OTUD7A: variants seen among roughly 807,000 people sequenced by gnomAD.
OTUD7A encodes OTU domain-containing protein 7A.
Under a neutral mutation model 65.7 loss-of-function variants are expected in OTUD7A, and 12 were observed. The observed-to-expected ratio is 0.18, with a 90% CI of 0.12 to 0.30. OTUD7A has a LOEUF of 0.30. Among genes scored for constraint, OTUD7A ranks in the 10% least tolerant of loss-of-function variants. The pLI, the probability that OTUD7A is intolerant of heterozygous loss-of-function variation, is 1.00. For synonymous variants in OTUD7A, 641 were observed against 586.3 expected (o/e 1.09, Z -1.35); for missense variants, 1,148 against 1,304.8 (o/e 0.88, Z 1.85).
intron 1 of OTUD7A, among the ~76,000 whole-genome samples, chr15:31,704,035 T>C (rs62002672): frequency 0.14 from 18,550 of 129,150 alleles, 1,156 homozygotes; most frequent in South Asian, 0.36. Context: ...GACAGATTAA[T>C]GGTTGCCAGA....
In OTUD7A at chr15:31,782,089, T is replaced by C. The variant is rs118010769; in HGVS notation, c.-100+88418A>G. 1.1e-3 allele frequency among the ~76,000 whole-genome samples: 173 copies of C among 152,336 alleles called. 5 individuals carry two copies. In the East Asian group the frequency reaches 0.033, roughly 29 times the overall value. On this transcript the variant is annotated intron_variant, in intron 1 of 12. Transcript: ENST00000307050. ...TTCTAACAGACTGGTAGGTGCTCTG[T>C]AGGGGTGTCCTCAGACGTGACGCAC...
chr15:31,585,546 C>T (rs1197541064), intron 3 of OTUD7A, among the ~76,000 whole-genome samples: 1 of 152,210 alleles, frequency 6.6e-6, no homozygotes, highest in Non-Finnish European at 1.5e-5. Context: ...TGCGTCCCCA[C>T]CCGGCATCCC....
chr15:31,490,378 G>T (rs1187645339), intron 10 of OTUD7A, among the ~76,000 whole-genome samples: 2 of 152,260 alleles, frequency 1.3e-5, no homozygotes, highest in African/African-American at 2.4e-5. Context: ...TATATTCTGA[G>T]TACTTATTTT....
At chr15:31,853,445 C>G (rs1018800279) in intron 1 of OTUD7A, among the ~76,000 whole-genome samples, 2 of 152,252 alleles carry the variant, frequency 1.3e-5, no homozygotes, top group African/African-American at 4.8e-5. Context: ...AAGCCACAAA[C>G]TACTGAGTGT....
chr15:31,660,982 C>T (rs1462431182), intron 1 of OTUD7A, among the ~76,000 whole-genome samples: 3 of 152,180 alleles, frequency 2.0e-5, no homozygotes, highest in Non-Finnish European at 4.4e-5. Flanking sequence ...CAGCAGGTGC[C>T]GCGGGCTGGA....
At chr15:31,848,395 T>G (rs1897337190) in intron 1 of OTUD7A, among the ~76,000 whole-genome samples, 1 of 152,134 alleles carries the variant, frequency 6.6e-6, no homozygotes. Flanking sequence ...CCCTGAACTT[T>G]AAGTAATGGT....
rs57517466 is a variant in OTUD7A at position 31,570,442 on chromosome 15, TACACACACACACACAC to T, written c.152-261_152-246del. 8.5e-3 allele frequency among the ~76,000 whole-genome samples: 1,217 copies of T among 143,316 alleles called. 11 individuals are homozygous for T. Among genetic ancestry groups the T allele is most frequent in the East Asian group, 0.025 (127 of 4,984 alleles). 94.0% of individuals were successfully genotyped at this position (143,316 alleles called of 152,430 possible). ...TACAGTCTCAGAGCCTTTAGGTTCATACACACACACACACACACACACACACACACACACACACACA... is the reference window on the plus strand; with the variant it reads ...TACAGTCTCAGAGCCTTTAGGTTCATACACACACACACACACACACACACA... On this transcript the variant is annotated intron_variant, in intron 3 of 12. Transcript: ENST00000307050.
chr15:31,687,113 A>G (rs1892855728), intron 1 of OTUD7A, among the ~76,000 whole-genome samples: 1 of 151,848 alleles, frequency 6.6e-6, no homozygotes, highest in Non-Finnish European at 1.5e-5. Context: ...AATAGAAAAA[A>G]AAAAAAACCA....
chr15:31,702,797 A>C (rs2141329517), intron 1 of OTUD7A, among the ~76,000 whole-genome samples: 1 of 151,288 alleles, frequency 6.6e-6, no homozygotes, highest in South Asian at 2.1e-4. Flanking sequence ...TAGTTAAAAT[A>C]ATTTTGAAAA....
intron 3 of OTUD7A, among the ~76,000 whole-genome samples, chr15:31,610,618 T>TATATA (rs1555401191): frequency 2.5e-4 from 3 of 11,832 alleles, no homozygotes; most frequent in Non-Finnish European, 4.5e-4. Context: ...TATATATATA[T>TATATA]TTTTTTTTTT....
intron 5 of OTUD7A, among the ~76,000 whole-genome samples, chr15:31,536,929 G>A (rs988802948): frequency 1.3e-5 from 2 of 152,118 alleles, no homozygotes; most frequent in Non-Finnish European, 1.5e-5. Flanking sequence ...TAGCAGAATA[G>A]GGTGATTCTA....
At chr15:31,664,618 T>A (rs1480202359) in intron 1 of OTUD7A, among the ~76,000 whole-genome samples, 1 of 152,238 alleles carries the variant, frequency 6.6e-6, no homozygotes, top group Non-Finnish European at 1.5e-5. Context: ...ATCTGTTTAC[T>A]CTGCTGGCTG....
chr15:31,767,708 A>G (rs1450990796), intron 1 of OTUD7A: 14 of 720,892 alleles, frequency 1.9e-5, no homozygotes, highest in Non-Finnish European at 3.3e-5. Flanking sequence ...ATCTTCATTT[A>G]TTATTTCATG....
intron 1 of OTUD7A, among the ~76,000 whole-genome samples, chr15:31,717,152 C>T (rs1333653407): frequency 6.6e-6 from 1 of 152,152 alleles, no homozygotes; most frequent in Non-Finnish European, 1.5e-5. Context: ...TGTTTTCTGT[C>T]CAGGATCCCA....
chr15:31,687,963 C>T (rs1198065173), intron 1 of OTUD7A, among the ~76,000 whole-genome samples: 1 of 152,162 alleles, frequency 6.6e-6, no homozygotes, highest in African/African-American at 2.4e-5. Context: ...CACCTGTAAT[C>T]GCAGCACTTT....
At chr15:31,501,914 T>G in intron 9 of OTUD7A, 75 bp from the exon 10 acceptor site, 3 of 1,483,618 alleles carry the variant, frequency 2.0e-6, no homozygotes, top group Non-Finnish European at 2.7e-6. Context: ...TGCATCCCTG[T>G]CCCTCACTAC....
At chr15:31,647,298 AC>A (rs1891705189) in intron 3 of OTUD7A, among the ~76,000 whole-genome samples, 1 of 152,202 alleles carries the variant, frequency 6.6e-6, no homozygotes, top group African/African-American at 2.4e-5. Context: ...CTCTAATCGC[AC>A]ACACTTGAAA....
At chr15:31,620,228 C>CT (rs1487564038) in intron 3 of OTUD7A, among the ~76,000 whole-genome samples, 1 of 152,034 alleles carries the variant, frequency 6.6e-6, no homozygotes, top group Non-Finnish European at 1.5e-5. Flanking sequence ...CTAAAATTCT[C>CT]TTTTTTGTGT....
chr15:31,551,010 G>A (rs1019505368), intron 5 of OTUD7A, among the ~76,000 whole-genome samples: 1 of 152,208 alleles, frequency 6.6e-6, no homozygotes, highest in East Asian at 1.9e-4. Context: ...ACACCTGGGA[G>A]AGGGCAGGTA....
Sources: allele counts gnomAD v4.1 joint callset (sites outside exome capture counted in the v4.1 genomes callset), GRCh38; gene constraint gnomAD v4.1.1; transcripts MANE v1.5; gene names NCBI Gene and HGNC (gene_info 2026-07-23, HGNC 2026-07-21).